SAMD5: variants seen among roughly 807,000 people sequenced by gnomAD.
The protein encoded by SAMD5 is sterile alpha motif domain containing 5, also known as sterile alpha motif domain-containing protein 5.
In SAMD5, 13 loss-of-function variants were observed where a neutral mutation model predicts 11.3. The ratio of observed to expected loss-of-function variants is 1.15; its 90% CI spans 0.75 to 1.83. The LOEUF (loss-of-function observed/expected upper bound fraction) is 1.83, where lower values mean the gene tolerates loss of function less well. SAMD5 is among the 40% of genes most tolerant of loss of function. The pLI is 0.00. For synonymous variants in SAMD5, 129 were observed against 111.3 expected (o/e 1.16, Z -1.00); for missense variants, 255 against 239.1 (o/e 1.07, Z -0.44).
At chr6:147,725,765 A>G (rs1300337886) in intron 1 of SAMD5, among the ~76,000 whole-genome samples, 1 of 152,142 alleles carries the variant, frequency 6.6e-6, no homozygotes, top group Non-Finnish European at 1.5e-5. Flanking sequence ...TGGGAATATT[A>G]TGTTGAAGTG....
At chr6:147,721,824 A>G (rs1791556351) in intron 1 of SAMD5, among the ~76,000 whole-genome samples, 1 of 152,182 alleles carries the variant, frequency 6.6e-6, no homozygotes, top group Non-Finnish European at 1.5e-5. Context: ...TTTCCTCAAT[A>G]TAGTTTATAT....
intron 1 of SAMD5, among the ~76,000 whole-genome samples, chr6:147,590,508 G>T (rs1280061387): frequency 6.6e-6 from 1 of 152,162 alleles, no homozygotes; most frequent in African/African-American, 2.4e-5. Flanking sequence ...CGTCTCCCGG[G>T]CTCAAGCAAT....
chr6:147,651,517 A>T (rs1790482820), intron 1 of SAMD5, among the ~76,000 whole-genome samples: 1 of 152,142 alleles, frequency 6.6e-6, no homozygotes, highest in African/African-American at 2.4e-5. Context: ...AAGTGCTCTT[A>T]TGAATGAGAT....
intron 1 of SAMD5, among the ~76,000 whole-genome samples, chr6:147,534,652 T>A (rs1174754395): frequency 6.6e-6 from 1 of 152,094 alleles, no homozygotes; most frequent in Non-Finnish European, 1.5e-5. Flanking sequence ...CTTTTTGCGC[T>A]GAGTCAGTTC....
chr6:147,800,977 A>G, the SAMD5 span, among the ~76,000 whole-genome samples: 1 of 152,106 alleles, frequency 6.6e-6, no homozygotes, highest in Non-Finnish European at 1.5e-5. Context: ...TATTTTTATT[A>G]TTTGATTTGA....
chr6:147,694,482 C>T (rs901508134), intron 1 of SAMD5, among the ~76,000 whole-genome samples: 4 of 152,270 alleles, frequency 2.6e-5, no homozygotes, highest in Admixed American at 6.5e-5. Context: ...CAGAATTCTT[C>T]ATCAAACATA....
intron 1 of SAMD5, among the ~76,000 whole-genome samples, chr6:147,671,574 C>T (rs556132019): frequency 6.6e-6 from 1 of 152,194 alleles, no homozygotes; most frequent in East Asian, 1.9e-4. Flanking sequence ...AAGTTGCTAA[C>T]ACCAATAGCA....
chr6:147,762,421 A>G, the SAMD5 span, among the ~76,000 whole-genome samples: 1 of 151,796 alleles, frequency 6.6e-6, no homozygotes, highest in African/African-American at 2.4e-5. Flanking sequence ...CTGGTCTCGA[A>G]CCCCTGACCT....
At chr6:147,940,721 G>A in the SAMD5 span, among the ~76,000 whole-genome samples, 1 of 152,180 alleles carries the variant, frequency 6.6e-6, no homozygotes. Flanking sequence ...CCAGTACTTT[G>A]GGAGGCCAAG....
chr6:147,779,161 A>T, the SAMD5 span, among the ~76,000 whole-genome samples: 1 of 152,088 alleles, frequency 6.6e-6, no homozygotes, highest in Non-Finnish European at 1.5e-5. Flanking sequence ...ATATACCTAC[A>T]CATATACACA....
intron 1 of SAMD5, among the ~76,000 whole-genome samples, chr6:147,704,069 A>G (rs950125458): frequency 4.0e-5 from 6 of 151,608 alleles, no homozygotes; most frequent in African/African-American, 1.5e-4. Context: ...CTAATTTTTT[A>G]TATTTTTAGT....
At chr6:147,712,301 G>A (rs769121848) in intron 1 of SAMD5, among the ~76,000 whole-genome samples, 4 of 152,146 alleles carry the variant, frequency 2.6e-5, no homozygotes, top group Non-Finnish European at 5.9e-5. Context: ...AGCATCAAAT[G>A]GATATAGAAA....
At chr6:147,903,708 G>A in the SAMD5 span, among the ~76,000 whole-genome samples, 1 of 152,132 alleles carries the variant, frequency 6.6e-6, no homozygotes, top group Non-Finnish European at 1.5e-5. Flanking sequence ...AGGAGTTTGA[G>A]AGGAGCCTGG....
chr6:147,838,994 G>A, the SAMD5 span, among the ~76,000 whole-genome samples: 6 of 152,178 alleles, frequency 3.9e-5, no homozygotes, highest in East Asian at 1.9e-4. Context: ...ATTCACCTCC[G>A]ACATTTCTAT....
chr6:147,624,027 G>C (rs866009702), intron 1 of SAMD5, among the ~76,000 whole-genome samples: 4 of 151,906 alleles, frequency 2.6e-5, no homozygotes, highest in African/African-American at 9.7e-5. Context: ...GTGCCACCAC[G>C]CCCAGCTAAT....
the SAMD5 span, among the ~76,000 whole-genome samples, chr6:147,855,538 T>C: frequency 2.6e-5 from 4 of 152,086 alleles, no homozygotes; most frequent in African/African-American, 9.7e-5. Context: ...AGGATTAACT[T>C]GGTGAGAATG....
intron 1 of SAMD5, among the ~76,000 whole-genome samples, chr6:147,661,605 A>C (rs1253912942): frequency 6.6e-6 from 1 of 152,172 alleles, no homozygotes; most frequent in South Asian, 2.1e-4. Flanking sequence ...CTTGATCATT[A>C]AAACCACTCT....
chr6:147,522,786 T>C (rs994717218), intron 1 of SAMD5, among the ~76,000 whole-genome samples: 1 of 152,130 alleles, frequency 6.6e-6, no homozygotes, highest in African/African-American at 2.4e-5. Context: ...TCTAGACAGG[T>C]ACATGAGGCA....
the SAMD5 span, among the ~76,000 whole-genome samples, chr6:147,890,263 CAGA>C: frequency 6.6e-6 from 1 of 151,372 alleles, no homozygotes. Context: ...GTCAAATTCA[CAGA>C]AGAAGAAATA....
Sources: allele counts gnomAD v4.1 joint callset (sites outside exome capture counted in the v4.1 genomes callset), GRCh38; gene constraint gnomAD v4.1.1; transcripts MANE v1.5; gene names NCBI Gene and HGNC (gene_info 2026-07-23, HGNC 2026-07-21).